Variants in PRDM4 observed in about 807,000 individuals in gnomAD.
PRDM4 encodes PR domain zinc finger protein 4.
Under a neutral mutation model 62.3 loss-of-function variants are expected in PRDM4, and 38 were observed. The observed-to-expected ratio is 0.61, with a 90% CI of 0.47 to 0.80. The LOEUF (loss-of-function observed/expected upper bound fraction) is 0.80. PRDM4 is among the 30% of genes least tolerant of loss of function. The pLI is 0.00. For synonymous variants in PRDM4, 339 were observed against 348.2 expected (o/e 0.97, Z 0.30); for missense variants, 858 against 997.1 (o/e 0.86, Z 1.88).
rs774625430 is a variant in PRDM4 at position 107,739,442 on chromosome 12, G to A, written c.2034C>T (p.Tyr678=). 9 of 1,613,960 alleles carry A rather than the reference G, an allele frequency of 5.6e-6. No individual in the cohort carries two copies. The highest frequency in any genetic ancestry group is 7.6e-6 in the Non-Finnish European group (9 of 1,179,848). The change falls in exon 11 of 12, where the codon TAC becomes TAT. Residue 678 remains tyrosine, a synonymous_variant. Transcript: ENST00000228437. The part of the protein sequence containing the change: ...HTGEKNLKCD[Y]CDKLFMRRQD... Reference sequence around the variant, plus strand: ...GCCTCCGCATAAACAACTTGTCACAGTAATCACACTTAAGATTCTTCTCCC... The same window carrying A: ...GCCTCCGCATAAACAACTTGTCACAATAATCACACTTAAGATTCTTCTCCC...
rs756049008 is a variant in PRDM4 at position 107,741,265 on chromosome 12, TA to T, written c.1610-6del. The T allele has an allele frequency of 2.7e-5, 43 of 1,585,566 alleles. No homozygotes were observed. The highest frequency in any genetic ancestry group is 7.2e-5 in the Admixed American group (4 of 55,698). Reference sequence around the variant, plus strand: ...CATCTGGGTGTTCAGGAACACCTTTTAAAAAAAAATTACTCATTATCTCCCA... The same window carrying T: ...CATCTGGGTGTTCAGGAACACCTTTTAAAAAAAATTACTCATTATCTCCCA... On this transcript the variant is annotated splice_region_variant and splice_polypyrimidine_tract_variant and intron_variant, in intron 9 of 11. Transcript: ENST00000228437.
intron 5 of PRDM4, among the ~76,000 whole-genome samples, chr12:107,747,207 C>T (rs1332329953): frequency 1.3e-5 from 2 of 152,062 alleles, no homozygotes; most frequent in Admixed American, 6.5e-5. Context: ...TTAAGTAGAT[C>T]GTACATTTAG....
intron 11 of PRDM4, among the ~76,000 whole-genome samples, chr12:107,734,999 T>C (rs1890283430): frequency 6.6e-6 from 1 of 152,146 alleles, no homozygotes; most frequent in African/African-American, 2.4e-5. Context: ...TTTTTATTAT[T>C]ATTTTTTAGA....
Position 107,751,927 on chromosome 12 carries a change from G to T in PRDM4, c.614C>A (p.Ser205Ter). ...AAGCTCCTCTGCCATTCCATCTGTC[G>T]AAATTGGGCTGGTAACCCTAGAAAC... The part of the protein sequence containing the change: ...ENVSRVTSPI[S>*]TDGMAEELTM... The change falls in exon 5 of 12, where the codon TCG becomes TAG. Residue 205 changes from serine to a stop codon, truncating the protein, a stop_gained. Transcript: ENST00000228437. LOFTEE classifies it high-confidence loss of function. The T allele has an allele frequency of 6.2e-7, 1 of 1,614,200 alleles. No individual in the cohort carries two copies. The highest frequency in any genetic ancestry group is 8.5e-7 in the Non-Finnish European group (1 of 1,180,038).
Position 107,756,813 on chromosome 12 carries a change from G to C in PRDM4, c.145+19C>G. ...CAGAGTTAAGTGTTGAAATGCAGTA[G>C]GTCTCCCTTACCACTCACCTGGGGC... On this transcript the variant is annotated intron_variant, in intron 3 of 11. Coordinates refer to ENST00000228437, the MANE Select transcript of PRDM4 (RefSeq NM_012406.4). The C allele has an allele frequency of 6.2e-7, 1 of 1,613,674 alleles. No homozygotes were observed. The highest frequency in any genetic ancestry group is 1.7e-5 in the Admixed American group (1 of 59,970).
chr12:107,756,690 C>G, intron 3 of PRDM4, 142 bp downstream of exon 3: 1 of 965,574 alleles, frequency 1.0e-6, no homozygotes, highest in Non-Finnish European at 1.5e-6. Flanking sequence ...TTACCTATCA[C>G]ATGTTGAACC....
rs1457302316 is a variant in PRDM4 at position 107,733,071 on chromosome 12, TGTGCATGGGAGACACAATGACCAG to T, written c.*1115_*1138del. 2 of 152,636 alleles carry T rather than the reference TGTGCATGGGAGACACAATGACCAG, an allele frequency of 1.3e-5. No homozygotes were observed. Among genetic ancestry groups the T allele is most frequent in the African/African-American group, 2.4e-5 (1 of 41,440 alleles). The allele number at this position is 152,636 out of a possible 1,614,324, so 9.5% of individuals were successfully genotyped here. ...GGGTCTGCTTCTGAGAAACGCTGGA[TGTGCATGGGAGACACAATGACCAG>T]GTGCATGGGTGACTTAACTAAGCTG... On this transcript the variant is annotated 3_prime_UTR_variant, in exon 12 of 12. Coordinates refer to ENST00000228437, the MANE Select transcript of PRDM4 (RefSeq NM_012406.4).
Position 107,741,296 on chromosome 12 carries a change from T to G in PRDM4, c.1610-36A>C, listed in dbSNP as rs182527703. ...AAAATTACTCATTATCTCCCAATACTTGAATCTTAAAACTTGTTCTTGATA... is the reference window on the plus strand; with the variant it reads ...AAAATTACTCATTATCTCCCAATACGTGAATCTTAAAACTTGTTCTTGATA... On this transcript the variant is annotated intron_variant, in intron 9 of 11. Transcript: ENST00000228437. 6.8e-4 allele frequency: 1,060 copies of G among 1,548,686 alleles called. 11 individuals are homozygous for G. The African/African-American group carries it at 0.011, about 16-fold the overall frequency.
chr12:107,744,445 T>C, intron 7 of PRDM4, 98 bp downstream of exon 7: 1 of 1,353,814 alleles, frequency 7.4e-7, no homozygotes, highest in Non-Finnish European at 1.0e-6. Flanking sequence ...AATGGCACTG[T>C]ATCAGTTCTG....
chr12:107,746,504 G>C (rs1278818612), intron 5 of PRDM4, 80 bp from the exon 6 acceptor site: 1 of 1,100,934 alleles, frequency 9.1e-7, no homozygotes, highest in East Asian at 2.8e-5. Context: ...TTTTTTTTTT[G>C]AGACAAAGTC....
chr12:107,742,573 TAC>T (rs1180792670), intron 8 of PRDM4: 2 of 523,200 alleles, frequency 3.8e-6, no homozygotes, highest in African/African-American at 1.9e-5. Flanking sequence ...TCAAAAACAC[TAC>T]AGTCTGTTAT....
chr12:107,760,669 T>C lies in PRDM4; in HGVS notation c.-154A>G, dbSNP rs1480818812. The C allele has an allele frequency of 2.3e-6, 2 of 865,750 alleles. No homozygotes were observed. 53.6% of individuals were successfully genotyped at this position (865,750 alleles called of 1,614,324 possible). On this transcript the variant is annotated 5_prime_UTR_variant, in exon 2 of 12. Transcript: ENST00000228437. ...CCGGGGTCGCCCGGGGCCGCCCAACTTCTCCCGAGGGCCGGTGGCCGTGCA... is the reference window on the plus strand; with the variant it reads ...CCGGGGTCGCCCGGGGCCGCCCAACCTCTCCCGAGGGCCGGTGGCCGTGCA...
intron 4 of PRDM4, 76 bp from the exon 5 acceptor site, chr12:107,752,285 C>A (rs1386978526): frequency 1.1e-5 from 12 of 1,094,214 alleles, no homozygotes; most frequent in African/African-American, 1.6e-5. Flanking sequence ...GACGCTATTT[C>A]CTTACAAACA....
At chr12:107,744,511 A>C in intron 7 of PRDM4, 32 bp downstream of exon 7, 1 of 1,595,882 alleles carries the variant, frequency 6.3e-7, no homozygotes, top group Non-Finnish European at 8.6e-7. Context: ...AAAAACAGCC[A>C]AAAGCCACAG....
At chr12:107,748,438 A>C (rs1476551247) in intron 5 of PRDM4, among the ~76,000 whole-genome samples, 7 of 152,264 alleles carry the variant, frequency 4.6e-5, no homozygotes, top group Admixed American at 3.9e-4. Flanking sequence ...CCAAATGTCC[A>C]TCAACTGATA....
At chr12:107,756,161 G>A (rs1891059663) in intron 3 of PRDM4, among the ~76,000 whole-genome samples, 1 of 152,076 alleles carries the variant, frequency 6.6e-6, no homozygotes, top group African/African-American at 2.4e-5. Flanking sequence ...TCAGGAGGCT[G>A]AAGCAGGAGA....
chr12:107,754,031 C>T lies in PRDM4; in HGVS notation c.224G>A (p.Gly75Asp). Reference sequence around the variant, plus strand: ...ACACATCACCCCTCGATCCCCAATACCCATTGGTAGCATTAAAGACAGAGC... The same window carrying T: ...ACACATCACCCCTCGATCCCCAATATCCATTGGTAGCATTAAAGACAGAGC... ...PSALSLMLPM[G>D]IGDRGVMCGL... The change falls in exon 4 of 12, where the codon GGT (glycine) becomes GAT (aspartate). Residue 75 changes from glycine to aspartate, a missense_variant. Gly to Asp is a moderately conservative substitution (Grantham distance 94). Around this residue, in one of 3 missense-constraint regions of PRDM4, gnomAD observed 499 missense variants for 546.7 expected, o/e 0.91. Coordinates refer to ENST00000228437, the MANE Select transcript of PRDM4 (RefSeq NM_012406.4). 2 of 1,613,372 alleles carry T rather than the reference C, an allele frequency of 1.2e-6. No homozygotes were observed. Among genetic ancestry groups the T allele is most frequent in the Non-Finnish European group, 1.7e-6 (2 of 1,179,344 alleles).
At chr12:107,735,519 G>T (rs1357959291) in intron 11 of PRDM4, among the ~76,000 whole-genome samples, 2 of 151,878 alleles carry the variant, frequency 1.3e-5, no homozygotes, top group Non-Finnish European at 2.9e-5. Flanking sequence ...TGCCTCTATG[G>T]GGACATTTGG....
chr12:107,746,834 ACGG>A (rs2136321023), intron 5 of PRDM4, among the ~76,000 whole-genome samples: 1 of 152,290 alleles, frequency 6.6e-6, no homozygotes, highest in South Asian at 2.1e-4. Context: ...AGTAAGAAGC[ACGG>A]TTCTAATAGA....
Sources: allele counts gnomAD v4.1 joint callset (sites outside exome capture counted in the v4.1 genomes callset), GRCh38; gene constraint gnomAD v4.1.1; regional missense constraint gnomAD v4.1.1; transcripts MANE v1.5; gene names NCBI Gene and HGNC (gene_info 2026-07-23, HGNC 2026-07-21).